Variants in MAPK8 observed in about 807,000 individuals in gnomAD.
MAPK8 encodes the protein JUN N-terminal kinase.
Under a neutral mutation model 52.9 loss-of-function variants are expected in MAPK8, and 13 were observed. The observed-to-expected ratio is 0.25, with a 90% confidence interval of 0.16 to 0.39. MAPK8 has a LOEUF of 0.39. MAPK8 is among the 10% of genes least tolerant of loss of function. The pLI is 1.00. For missense variants in MAPK8, 300 were observed against 519.2 expected (o/e 0.58, Z 4.10); for synonymous variants, 191 against 169.8 (o/e 1.12, Z -0.97).
intron 1 of MAPK8, among the ~76,000 whole-genome samples, chr10:48,326,878 T>A (rs1263539231): frequency 6.6e-6 from 1 of 152,196 alleles, no homozygotes; most frequent in Non-Finnish European, 1.5e-5. Flanking sequence ...ATAGGTCTTA[T>A]AGCAGTATCA....
chr10:48,312,342 A>G (rs141989803), intron 1 of MAPK8, among the ~76,000 whole-genome samples: 7 of 152,324 alleles, frequency 4.6e-5, no homozygotes, highest in Non-Finnish European at 7.3e-5. Context: ...AGAGTTCTCA[A>G]TCTCCTCTGT....
intron 1 of MAPK8, among the ~76,000 whole-genome samples, chr10:48,320,946 T>C (rs977128016): frequency 9.2e-5 from 14 of 152,220 alleles, no homozygotes; most frequent in African/African-American, 3.4e-4. Context: ...ATTGTGATTT[T>C]AAATTGCACT....
intron 7 of MAPK8, 91 bp from the exon 8 acceptor site, chr10:48,425,797 A>G (rs989638137): frequency 5.8e-6 from 3 of 521,504 alleles, no homozygotes; most frequent in Non-Finnish European, 9.1e-6. Flanking sequence ...CTTTCTTAGG[A>G]ATTTTTAAAT....
chr10:48,429,130 T>A (rs967088181), intron 10 of MAPK8, among the ~76,000 whole-genome samples: 6 of 151,750 alleles, frequency 4.0e-5, no homozygotes, highest in East Asian at 1.9e-4. Context: ...GCCTAATTTT[T>A]AAAAAAAAAT....
At chr10:48,370,029 G>A (rs1422149500) in intron 1 of MAPK8, among the ~76,000 whole-genome samples, 1 of 152,094 alleles carries the variant, frequency 6.6e-6, no homozygotes. Flanking sequence ...AGGTTTTTAT[G>A]TATTTTTTAA....
At position 48,426,058 on chromosome 10, in the gene MAPK8, A is replaced by G. The variant is rs2043660231; in HGVS notation, c.859A>G (p.Asn287Asp). ...CCTTTTCCCAGCTGACTCAGAACAC[A>G]ACAAACTTAAAGGTACTTTTTACAA... ...DVLFPADSEH[N>D]KLKASQARDL... The change falls in exon 8 of 12, where the codon AAC (asparagine) becomes GAC (aspartate). Residue 287 changes from asparagine (N) to aspartate (D), a missense_variant. Asn to Asp is a conservative substitution (Grantham distance 23). Around this residue, in one of 3 missense-constraint regions of MAPK8, gnomAD observed 147 missense variants for 328.1 expected, o/e 0.45. Coordinates refer to ENST00000374189, the MANE Select transcript of MAPK8 (RefSeq NM_001323329.2). 6.2e-7 allele frequency: 1 copy of G among 1,609,558 alleles called. No homozygotes were observed. Among genetic ancestry groups the G allele is most frequent in the Non-Finnish European group, 8.5e-7 (1 of 1,178,030 alleles).
Position 48,410,186 on chromosome 10 carries a change from T to C in MAPK8, c.450+18T>C. 8.1e-6 allele frequency: 12 copies of C among 1,474,246 alleles called. No homozygotes were observed. Among genetic ancestry groups the C allele is most frequent in the Non-Finnish European group, 1.1e-5 (12 of 1,113,900 alleles). 91.3% of individuals were successfully genotyped at this position (1,474,246 alleles called of 1,614,324 possible). A position where few individuals can be genotyped will look rare whatever the true frequency, so the allele number is the denominator to read the frequency against. On this transcript the variant is annotated intron_variant, in intron 5 of 11. Transcript: ENST00000374189. The stretch of plus-strand genomic sequence containing the variant: ...TTCATCGGGTTAGTAGAAGAAACTA[T>C]CGTCATACTCTTTGTTTTCTCATTG...
intron 1 of MAPK8, among the ~76,000 whole-genome samples, chr10:48,357,849 G>A (rs1324157301): frequency 6.6e-6 from 1 of 152,160 alleles, no homozygotes; most frequent in Non-Finnish European, 1.5e-5. Context: ...CCGTTACGTA[G>A]TCACTCCTCA....
chr10:48,434,654 C>T (rs577492601), intron 11 of MAPK8, among the ~76,000 whole-genome samples: 2 of 152,312 alleles, frequency 1.3e-5, no homozygotes, highest in East Asian at 3.9e-4. Context: ...AAAACACATT[C>T]ATTGAAAGGA....
chr10:48,338,434 A>G (rs1844908756), intron 1 of MAPK8, among the ~76,000 whole-genome samples: 1 of 152,184 alleles, frequency 6.6e-6, no homozygotes, highest in African/African-American at 2.4e-5. Context: ...ATACCTCAAA[A>G]TAGTAAGAGT....
chr10:48,314,499 G>A (rs1043334145), intron 1 of MAPK8, among the ~76,000 whole-genome samples: 1 of 152,180 alleles, frequency 6.6e-6, no homozygotes, highest in Non-Finnish European at 1.5e-5. Context: ...AAGCCATGGT[G>A]CAGTGGATTA....
intron 1 of MAPK8, among the ~76,000 whole-genome samples, chr10:48,359,102 G>T (rs923546370): frequency 2.0e-5 from 3 of 151,960 alleles, no homozygotes; most frequent in African/African-American, 7.2e-5. Context: ...CTTCTGTTTT[G>T]CTTCATTAAT....
chr10:48,395,597 C>T (rs1397221590), intron 1 of MAPK8, among the ~76,000 whole-genome samples: 1 of 151,946 alleles, frequency 6.6e-6, no homozygotes, highest in East Asian at 1.9e-4. Flanking sequence ...AACACAATTC[C>T]TATCAAAATC....
At chr10:48,314,529 T>A (rs1377578673) in intron 1 of MAPK8, among the ~76,000 whole-genome samples, 1 of 152,238 alleles carries the variant, frequency 6.6e-6, no homozygotes, top group Admixed American at 6.5e-5. Context: ...TACGTCGTGT[T>A]GCACTTAAAT....
chr10:48,398,277 C>T (rs1440545602), intron 1 of MAPK8, among the ~76,000 whole-genome samples: 1 of 151,894 alleles, frequency 6.6e-6, no homozygotes, highest in Non-Finnish European at 1.5e-5. Context: ...AAGAAGACAG[C>T]CGTATTTTTA....
In MAPK8 at chr10:48,435,658, G is replaced by A. The variant is rs1394170421; in HGVS notation, c.*629G>A. ...GCAATCCTACTTAATTTTGGCAAAA[G>A]CCCCGTCATCTAAATGGCAGAATAA... is the stretch of plus-strand genomic sequence containing the variant. On this transcript the variant is annotated 3_prime_UTR_variant, in exon 12 of 12. Coordinates refer to ENST00000374189, the MANE Select transcript of MAPK8 (RefSeq NM_001323329.2). The A allele has an allele frequency of 6.6e-6, 1 of 152,190 alleles. No individual in the cohort carries two copies. The highest frequency in any genetic ancestry group is 2.4e-5 in the African/African-American group (1 of 41,452). 9.4% of individuals were successfully genotyped at this position (152,190 alleles called of 1,614,324 possible). A position where few individuals can be genotyped will look rare whatever the true frequency, so the allele number is the denominator to read the frequency against.
chr10:48,377,701 T>C (rs2040756210), intron 1 of MAPK8, among the ~76,000 whole-genome samples: 1 of 152,196 alleles, frequency 6.6e-6, no homozygotes, highest in African/African-American at 2.4e-5. Context: ...GGTCCTTGGA[T>C]AACTTCATGA....
intron 1 of MAPK8, among the ~76,000 whole-genome samples, chr10:48,373,021 A>G (rs1035427322): frequency 1.4e-4 from 21 of 152,204 alleles, no homozygotes; most frequent in African/African-American, 5.1e-4. Context: ...AGCCCATCAG[A>G]CTAACAGTGA....
At chr10:48,342,365 A>G (rs1328537007) in intron 1 of MAPK8, among the ~76,000 whole-genome samples, 1 of 152,096 alleles carries the variant, frequency 6.6e-6, no homozygotes, top group Admixed American at 6.6e-5. Flanking sequence ...TCAGCCTCCA[A>G]AAATGTTGGA....
Sources: allele counts gnomAD v4.1 joint callset (sites outside exome capture counted in the v4.1 genomes callset), GRCh38; gene constraint gnomAD v4.1.1; regional missense constraint gnomAD v4.1.1; transcripts MANE v1.5; gene names NCBI Gene and HGNC (gene_info 2026-07-23, HGNC 2026-07-21).